COPZ2: variants seen among roughly 807,000 people sequenced by gnomAD.
COPZ2 encodes the protein coat protein complex I subunit zeta 2, also known as coatomer subunit zeta-2.
COPZ2 carries 30 observed loss-of-function variants against 33.2 expected under a neutral mutation model. The ratio of observed to expected loss-of-function variants is 0.90; its 90% CI spans 0.68 to 1.23. COPZ2 has a LOEUF of 1.23. Among genes scored for constraint, COPZ2 ranks in the 50% most tolerant of loss-of-function variants. The pLI is 0.00. For synonymous variants in COPZ2, 89 were observed against 102.6 expected (o/e 0.87, Z 0.80); for missense variants, 263 against 262.4 (o/e 1.00, Z -0.02).
chr17:48,031,534 CT>C (rs1470910725), intron 6 of COPZ2: 2 of 152,136 alleles, frequency 1.3e-5, no homozygotes, highest in Admixed American at 6.6e-5. Context: ...TATTGATCCC[CT>C]GATGGAAATT....
chr17:48,042,800 G>A (rs2037074609), upstream of COPZ2, among the ~76,000 whole-genome samples: 1 of 152,188 alleles, frequency 6.6e-6, no homozygotes, highest in South Asian at 2.1e-4. Flanking sequence ...TGGTGAATAA[G>A]TAAATTCAGA....
At chr17:48,042,179 G>C (rs2037068862), upstream of COPZ2, among the ~76,000 whole-genome samples, 1 of 152,084 alleles carries the variant, frequency 6.6e-6, no homozygotes, top group Non-Finnish European at 1.5e-5. Flanking sequence ...TGTTGCCCAG[G>C]CTGGAGTGCA....
chr17:48,032,764 G>A, intron 4 of COPZ2, 23 bp from the exon 5 acceptor site: 2 of 1,571,390 alleles, frequency 1.3e-6, no homozygotes, highest in Admixed American at 1.8e-5. Flanking sequence ...GATACGGGAG[G>A]AGGAAAAGGA....
chr17:48,035,161 G>A (rs1037887402), intron 2 of COPZ2, among the ~76,000 whole-genome samples: 1 of 152,128 alleles, frequency 6.6e-6, no homozygotes, highest in African/African-American at 2.4e-5. Context: ...TTTGGGAATG[G>A]TGAGCCTCTC....
chr17:48,045,320 C>T, the COPZ2 span: 1 of 152,094 alleles, frequency 6.6e-6, no homozygotes, highest in Non-Finnish European at 1.5e-5. Flanking sequence ...CTGGGTTTCC[C>T]TTTTAGGGAA....
upstream of COPZ2, among the ~76,000 whole-genome samples, chr17:48,042,065 G>A (rs1158917695): frequency 1.3e-5 from 2 of 152,082 alleles, no homozygotes; most frequent in African/African-American, 4.8e-5. Flanking sequence ...GAAGGCTGGG[G>A]AAGGAAGCTT....
chr17:48,028,989 C>T lies in COPZ2; in HGVS notation c.546+136G>A. On this transcript the variant is annotated intron_variant, in intron 7 of 8. Coordinates refer to ENST00000621465, the MANE Select transcript of COPZ2 (RefSeq NM_016429.4). This position sits in a 1 kb window ranked among gnomAD's most constrained non-coding sequence, Gnocchi z 4.5. ...CCAGAAACTGCTGCTCATCTCACCC[C>T]TAACAAGTGTGTCAGCCCAGTGGTT... The T allele has an allele frequency of 2.7e-6, 2 of 750,558 alleles. No homozygotes were observed. The highest frequency in any genetic ancestry group is 4.4e-6 in the Non-Finnish European group (2 of 453,714). 46.5% of individuals were successfully genotyped at this position (750,558 alleles called of 1,614,324 possible). A position where few individuals can be genotyped will look rare whatever the true frequency, so the allele number is the denominator to read the frequency against.
upstream of COPZ2, among the ~76,000 whole-genome samples, chr17:48,040,691 A>G (rs1332407402): frequency 6.6e-6 from 1 of 151,782 alleles, no homozygotes. Context: ...TCGGCCTCCC[A>G]AAGTGCTGGG....
chr17:48,038,752 TTA>T (rs918797076), upstream of COPZ2, among the ~76,000 whole-genome samples: 1 of 152,210 alleles, frequency 6.6e-6, no homozygotes, highest in African/African-American at 2.4e-5. Context: ...TCAAGCCCTC[TTA>T]TGTTGTGGAC....
chr17:48,032,032 G>A, intron 6 of COPZ2, 124 bp downstream of exon 6: 2 of 748,014 alleles, frequency 2.7e-6, no homozygotes, highest in Non-Finnish European at 2.3e-6. Flanking sequence ...TGGGATCCCT[G>A]GGAATATGCT....
chr17:48,031,236 A>C (rs2036889907), intron 6 of COPZ2, among the ~76,000 whole-genome samples: 1 of 152,132 alleles, frequency 6.6e-6, no homozygotes, highest in Admixed American at 6.5e-5. Flanking sequence ...GCGGATCACG[A>C]GGTCAGGAGA....
chr17:48,028,532 G>A lies in COPZ2; in HGVS notation c.547-22C>T, dbSNP rs1290332475. 2 of 1,603,052 alleles carry A rather than the reference G, an allele frequency of 1.2e-6. No homozygotes were observed. Among genetic ancestry groups the A allele is most frequent in the Admixed American group, 3.4e-5 (2 of 58,216 alleles). The stretch of plus-strand genomic sequence containing the variant: ...CTGCCTGTAAGGAAGCAGAGTCAAG[G>A]GGTGGGGTAGGGCCAGCATGAGGGT... On this transcript the variant is annotated intron_variant, in intron 7 of 8. Transcript: ENST00000621465. This position sits in a 1 kb window ranked among gnomAD's most constrained non-coding sequence, Gnocchi z 4.5.
At chr17:48,039,746 G>T (rs1567745067), upstream of COPZ2, among the ~76,000 whole-genome samples, 2 of 152,064 alleles carry the variant, frequency 1.3e-5, no homozygotes, top group Non-Finnish European at 2.9e-5. Flanking sequence ...TTGTTTGTTT[G>T]TTTTTTTGTT....
At chr17:48,033,380 G>T in intron 3 of COPZ2, 78 bp from the exon 4 acceptor site, 1 of 802,042 alleles carries the variant, frequency 1.2e-6, no homozygotes, top group Non-Finnish European at 2.2e-6. Context: ...GTATGACTCT[G>T]TGACTCTCCT....
chr17:48,043,669 G>A, the COPZ2 span: 1 of 473,398 alleles, frequency 2.1e-6, no homozygotes, highest in East Asian at 1.5e-4. Context: ...TTCAAGACAG[G>A]GCCTTATACT....
intron 6 of COPZ2, among the ~76,000 whole-genome samples, chr17:48,029,585 G>T (rs1411236130): frequency 4.4e-4 from 67 of 151,222 alleles, no homozygotes; most frequent in African/African-American, 1.6e-3. Context: ...TTGTTGCACT[G>T]TTATTTTATG....
chr17:48,042,910 C>T (rs1233460253), upstream of COPZ2, among the ~76,000 whole-genome samples: 2 of 152,212 alleles, frequency 1.3e-5, no homozygotes, highest in African/African-American at 2.4e-5. Flanking sequence ...CCATGACAAC[C>T]GCTTCCCCAC....
Position 48,033,944 on chromosome 17 carries a change from A to G in COPZ2, c.187T>C (p.Tyr63His), listed in dbSNP as rs772946923. Reference sequence around the variant, plus strand: ...ATGGAGGGGAATGTGTCATCATAATACTATGAGAAAGGGAAGGAGAAAGGA... The same window carrying G: ...ATGGAGGGGAATGTGTCATCATAATGCTATGAGAAAGGGAAGGAGAAAGGA... ...DNDGRRLLAKYYDDTFPSMKE... is the reference protein window; with the variant it reads ...DNDGRRLLAKHYDDTFPSMKE... The change falls in exon 3 of 9, where the codon TAT (tyrosine) becomes CAT (histidine). Residue 63 changes from tyrosine to histidine, a missense_variant and splice_region_variant. Transcript: ENST00000621465. 13 of 1,601,494 alleles carry G rather than the reference A, an allele frequency of 8.1e-6. No homozygotes were observed.
Position 48,026,385 on chromosome 17 carries a change from G to A in COPZ2, c.*43C>T. The A allele has an allele frequency of 6.6e-7, 1 of 1,517,628 alleles. No individual in the cohort carries two copies. The highest frequency in any genetic ancestry group is 9.2e-7 in the Non-Finnish European group (1 of 1,092,460). The allele number at this position is 1,517,628 out of a possible 1,614,324, so 94.0% of individuals were successfully genotyped here. On this transcript the variant is annotated 3_prime_UTR_variant, in exon 9 of 9. Coordinates refer to ENST00000621465, the MANE Select transcript of COPZ2 (RefSeq NM_016429.4). ...GGATCTTTGGGCTTTTGCCAGGATT[G>A]GGGAAATGATCTGGGGGGCAGGGAG...
Sources: allele counts gnomAD v4.1 joint callset (sites outside exome capture counted in the v4.1 genomes callset), GRCh38; gene constraint gnomAD v4.1.1; non-coding constraint Gnocchi (gnomAD v3.1); transcripts MANE v1.5; gene names NCBI Gene and HGNC (gene_info 2026-07-23, HGNC 2026-07-21).